The following EYA3 variants were observed in gnomAD, a reference collection of about 807,000 sequenced individuals.
EYA3 encodes protein phosphatase EYA3.
EYA3 carries 39 observed loss-of-function variants against 80.0 expected under a neutral mutation model. The ratio of observed to expected loss-of-function variants is 0.49; its 90% CI spans 0.38 to 0.64. The LOEUF (loss-of-function observed/expected upper bound fraction) is 0.64. EYA3 is among the 30% of genes least tolerant of loss of function. The probability of loss-of-function intolerance (pLI) is 0.00; values close to 1 mark genes in which losing one functional copy is unlikely to be tolerated. For synonymous variants in EYA3, 206 were observed against 232.8 expected, an observed-to-expected ratio of 0.88 and a Z score of 1.05; for missense variants, 523 against 676.1, an observed-to-expected ratio of 0.77 and a Z score of 2.51.
intron 10 of EYA3, among the ~76,000 whole-genome samples, chr1:28,010,193 AGAT>A (rs1641591700): frequency 6.6e-6 from 1 of 152,174 alleles, no homozygotes; most frequent in Non-Finnish European, 1.5e-5. Context: ...GAAAACAAAA[AGAT>A]AATACAAAAA....
chr1:28,034,720 T>C (rs1643350350), intron 6 of EYA3, among the ~76,000 whole-genome samples: 1 of 152,206 alleles, frequency 6.6e-6, no homozygotes, highest in Non-Finnish European at 1.5e-5. Context: ...CATTAATACA[T>C]CCAGAATCTG....
Position 27,988,623 on chromosome 1 carries a change from G to C in EYA3, c.1452C>G (p.Thr484=). Residue 484 remains threonine, a synonymous_variant, in exon 16 of 18, where the codon ACC becomes ACG. Coordinates refer to ENST00000373871, the MANE Select transcript of EYA3 (RefSeq NM_001990.4). ...KNCVNVLITT[T]QLVPALAKVL... is the part of the protein sequence containing the mutation. Reference sequence around the variant, plus strand: ...CCTTGGCCAGGGCTGGAACCAGCTGGGTGGTAGTGATCAGAACATTCACAC... The same window carrying C: ...CCTTGGCCAGGGCTGGAACCAGCTGCGTGGTAGTGATCAGAACATTCACAC... 6.2e-7 allele frequency: 1 copy of C among 1,614,086 alleles called. No individual in the cohort carries two copies. The highest frequency in any genetic ancestry group is 1.1e-5 in the South Asian group (1 of 91,072).
rs1643617990 is a variant in EYA3, at chr1:28,038,882, GGATGTAATC to G, written c.172_180del (p.Asp58_Ile60del). 6.3e-7 allele frequency: 1 copy of G among 1,599,862 alleles called. No individual in the cohort carries two copies. Among genetic ancestry groups the G allele is most frequent in the Admixed American group, 1.7e-5 (1 of 59,590 alleles). On this transcript the variant is annotated inframe_deletion, in exon 5 of 18. Transcript: ENST00000373871. ...GAGGTATAATCATTGGATGAGCGAG[GGATGTAATC>G]GGTGCATGTCATAACTGAAAGAAAG...
intron 14 of EYA3, 45 bp from the exon 15 acceptor site, chr1:27,989,856 T>C: frequency 7.6e-7 from 1 of 1,311,552 alleles, no homozygotes. Context: ...ACAACATATA[T>C]TTGCTGACAG....
intron 16 of EYA3, among the ~76,000 whole-genome samples, chr1:27,986,908 G>A (rs945194146): frequency 1.3e-5 from 2 of 151,708 alleles, no homozygotes; most frequent in Admixed American, 1.3e-4. Flanking sequence ...TTCACCGTGT[G>A]AGCCAGGATA....
chr1:28,044,021 T>C (rs531139236), intron 3 of EYA3, among the ~76,000 whole-genome samples: 8 of 152,188 alleles, frequency 5.3e-5, no homozygotes, highest in Non-Finnish European at 1.2e-4. Context: ...TTTTAACTTA[T>C]AAGGAAAATT....
At position 28,059,197 on chromosome 1, in the gene EYA3, A is replaced by G. The variant is rs116671233; in HGVS notation, c.-68-1103T>C. 4.6e-3 allele frequency among the ~76,000 whole-genome samples: 700 copies of G among 152,344 alleles called. 5 individuals are homozygous for G. Among genetic ancestry groups the G allele is most frequent in the African/African-American group, 0.016 (670 of 41,580 alleles). On this transcript the variant is annotated intron_variant, in intron 1 of 17. Transcript: ENST00000373871. ...TTTAGAGCCACACTCCAGAATGTGA[A>G]AAGGAGAGAAAACACACATAAGGTT...
intron 2 of EYA3, among the ~76,000 whole-genome samples, chr1:28,051,221 C>T (rs1644235589): frequency 6.6e-6 from 1 of 152,030 alleles, no homozygotes. Flanking sequence ...ATTTTGTATA[C>T]AGAAATCCTA....
At chr1:28,070,281 C>A (rs1036781124) in intron 1 of EYA3, among the ~76,000 whole-genome samples, 3 of 152,042 alleles carry the variant, frequency 2.0e-5, no homozygotes, top group Admixed American at 1.3e-4. Flanking sequence ...AAGTAAGGGG[C>A]CGGGTGCGGT....
intron 10 of EYA3, among the ~76,000 whole-genome samples, chr1:28,005,740 C>G (rs893199465): frequency 2.0e-5 from 3 of 150,906 alleles, no homozygotes; most frequent in Non-Finnish European, 4.4e-5. Context: ...AACAAAAAAC[C>G]CCCAAAAAAC....
intron 1 of EYA3, among the ~76,000 whole-genome samples, chr1:28,081,400 A>C (rs1557656290): frequency 6.6e-6 from 1 of 152,228 alleles, no homozygotes. Flanking sequence ...TTCAAAAATT[A>C]TTCTTTAAAT....
At position 28,015,985 on chromosome 1, in the gene EYA3, A is replaced by T. The variant is rs974189354; in HGVS notation, c.585+1169T>A. 4.6e-5 allele frequency among the ~76,000 whole-genome samples: 7 copies of T among 152,240 alleles called. No individual in the cohort carries two copies. The East Asian group carries it at 1.3e-3, about 29-fold the overall frequency. The stretch of plus-strand genomic sequence containing the variant: ...ACTTAGGGAAACAGCAAGACATTAA[A>T]GAAAAAAATGTCAATCAGTTGGAAG... On this transcript the variant is annotated intron_variant, in intron 8 of 17. Coordinates refer to ENST00000373871, the MANE Select transcript of EYA3 (RefSeq NM_001990.4).
At position 27,974,216 on chromosome 1, in the gene EYA3, G is replaced by C; in HGVS notation, c.*250C>G. 1 of 293,612 alleles carries C rather than the reference G, an allele frequency of 3.4e-6. No individual in the cohort carries two copies. The highest frequency in any genetic ancestry group is 6.5e-6 in the Non-Finnish European group (1 of 152,874). 18.2% of individuals were successfully genotyped at this position (293,612 alleles called of 1,614,324 possible). A position where few individuals can be genotyped will look rare whatever the true frequency, so the allele number is the denominator to read the frequency against. On this transcript the variant is annotated 3_prime_UTR_variant, in exon 18 of 18. Coordinates refer to ENST00000373871, the MANE Select transcript of EYA3 (RefSeq NM_001990.4). ...CTCACTCTTAGCAAAAATTGCAGCTGTTGGTTCTGATTGTGTTCTCGCCAG... is the reference window on the plus strand; with the variant it reads ...CTCACTCTTAGCAAAAATTGCAGCTCTTGGTTCTGATTGTGTTCTCGCCAG...
chr1:28,086,971 T>C (rs1645678951), intron 1 of EYA3, among the ~76,000 whole-genome samples: 1 of 152,216 alleles, frequency 6.6e-6, no homozygotes, highest in Non-Finnish European at 1.5e-5. Context: ...CTATACACTC[T>C]TATATGTATA....
intron 3 of EYA3, among the ~76,000 whole-genome samples, chr1:28,044,690 T>C (rs905684579): frequency 6.6e-6 from 1 of 152,198 alleles, no homozygotes; most frequent in Non-Finnish European, 1.5e-5. Flanking sequence ...TATAAAGTTC[T>C]CGTATCATTT....
chr1:27,977,568 G>T (rs1639002696), intron 17 of EYA3, among the ~76,000 whole-genome samples: 1 of 152,014 alleles, frequency 6.6e-6, no homozygotes. Flanking sequence ...GGGGTGACCT[G>T]GGCCAGGCGT....
chr1:27,976,002 T>G (rs1481546708), intron 17 of EYA3, among the ~76,000 whole-genome samples: 2 of 152,174 alleles, frequency 1.3e-5, no homozygotes, highest in Non-Finnish European at 2.9e-5. Flanking sequence ...TTAACTTTCC[T>G]ATCATCTAGT....
chr1:28,064,038 A>T (rs1436114929), intron 1 of EYA3, among the ~76,000 whole-genome samples: 4 of 152,184 alleles, frequency 2.6e-5, no homozygotes, highest in Non-Finnish European at 5.9e-5. Flanking sequence ...CACTCATTCA[A>T]TGTTAAAACA....
At chr1:28,028,430 T>C (rs1020400615) in intron 6 of EYA3, among the ~76,000 whole-genome samples, 3 of 152,170 alleles carry the variant, frequency 2.0e-5, no homozygotes, top group Non-Finnish European at 4.4e-5. Context: ...TTCTTCCGAT[T>C]AGGAAAGACA....
Sources: gnomAD v4.1 joint callset for allele counts (sites outside exome capture counted in the v4.1 genomes callset) on GRCh38, gnomAD v4.1.1 for gene constraint, MANE v1.5 for transcripts, NCBI Gene and HGNC (gene_info 2026-07-23, HGNC 2026-07-21) for gene names.